The following SH3RF3 variants were observed in gnomAD, a reference collection of about 807,000 sequenced individuals.
SH3RF3 encodes E3 ubiquitin-protein ligase SH3RF3.
In SH3RF3, 29 loss-of-function variants were observed where a neutral mutation model predicts 66.3. The ratio of observed to expected loss-of-function variants is 0.44; its 90% CI spans 0.33 to 0.60. SH3RF3 has a LOEUF of 0.60. Among genes scored for constraint, SH3RF3 ranks in the 20% least tolerant of loss-of-function variants. The probability of loss-of-function intolerance (pLI) is 0.04; values close to 1 mark genes in which losing one functional copy is unlikely to be tolerated. For missense variants in SH3RF3, 1,194 were observed against 1,190.9 expected (o/e 1.00, Z -0.04); for synonymous variants, 583 against 532.0 (o/e 1.10, Z -1.32).
chr2:109,452,142 G>T (rs1301310765), intron 8 of SH3RF3, among the ~76,000 whole-genome samples: 1 of 152,176 alleles, frequency 6.6e-6, no homozygotes, highest in Non-Finnish European at 1.5e-5. Context: ...ATTTACAGCT[G>T]CCATTTGCAG....
At chr2:109,241,172 G>A (rs1448841085) in intron 1 of SH3RF3, among the ~76,000 whole-genome samples, 2 of 152,128 alleles carry the variant, frequency 1.3e-5, no homozygotes, top group Non-Finnish European at 2.9e-5. Flanking sequence ...AGCGAAATAA[G>A]TTTGTACTTA....
At chr2:109,229,712 G>T (rs550562321) in intron 1 of SH3RF3, among the ~76,000 whole-genome samples, 1 of 152,072 alleles carries the variant, frequency 6.6e-6, no homozygotes, top group African/African-American at 2.4e-5. Flanking sequence ...TAGGTACCTC[G>T]TATAACTGGA....
intron 1 of SH3RF3, among the ~76,000 whole-genome samples, chr2:109,143,965 T>C (rs1294820371): frequency 1.3e-5 from 2 of 152,256 alleles, no homozygotes; most frequent in African/African-American, 4.8e-5. Context: ...AGGCAAATAC[T>C]GTGTGATCTC....
At chr2:109,400,853 G>A (rs767644262) in intron 4 of SH3RF3, among the ~76,000 whole-genome samples, 4 of 152,238 alleles carry the variant, frequency 2.6e-5, no homozygotes, top group Non-Finnish European at 4.4e-5. Flanking sequence ...GTGCCTGGGA[G>A]CCATATTCCC....
At chr2:109,321,162 C>G (rs777760771) in intron 1 of SH3RF3, among the ~76,000 whole-genome samples, 17 of 152,244 alleles carry the variant, frequency 1.1e-4, no homozygotes, top group Admixed American at 4.6e-4. Context: ...ATGCACCTCT[C>G]AAACGCTTCT....
intron 1 of SH3RF3, among the ~76,000 whole-genome samples, chr2:109,268,752 A>ATC (rs397872394): frequency 6.6e-6 from 1 of 151,816 alleles, no homozygotes; most frequent in African/African-American, 2.4e-5. Flanking sequence ...TAAAAAAAAA[A>ATC]AGGCTTTGAG....
At chr2:109,419,469 T>G in intron 4 of SH3RF3, 70 bp from the exon 5 acceptor site, 4 of 1,470,858 alleles carry the variant, frequency 2.7e-6, no homozygotes, top group East Asian at 2.5e-5. Context: ...TGCAGCCTCA[T>G]TTTGCTTTTC....
At chr2:109,230,220 A>G (rs761784984) in intron 1 of SH3RF3, among the ~76,000 whole-genome samples, 2 of 151,782 alleles carry the variant, frequency 1.3e-5, no homozygotes, top group African/African-American at 4.8e-5. Context: ...TCAACTTGGG[A>G]TGGTTTGACT....
At chr2:109,259,192 A>G (rs1444237784) in intron 1 of SH3RF3, among the ~76,000 whole-genome samples, 2 of 152,226 alleles carry the variant, frequency 1.3e-5, no homozygotes, top group Non-Finnish European at 2.9e-5. Context: ...GAATCCATAA[A>G]GTGTAGGCTT....
intron 1 of SH3RF3, among the ~76,000 whole-genome samples, chr2:109,298,123 T>C (rs1278873167): frequency 6.6e-6 from 1 of 152,006 alleles, no homozygotes; most frequent in African/African-American, 2.4e-5. Context: ...CAGAGGTGAA[T>C]AGGGCATTGT....
chr2:109,163,548 G>A (rs1388339338), intron 1 of SH3RF3, among the ~76,000 whole-genome samples: 3 of 150,676 alleles, frequency 2.0e-5, no homozygotes, highest in Non-Finnish European at 4.4e-5. Context: ...ACAGGCGCCC[G>A]CCACTACGCC....
chr2:109,360,545 A>G (rs955526510), intron 2 of SH3RF3, among the ~76,000 whole-genome samples: 1 of 152,226 alleles, frequency 6.6e-6, no homozygotes, highest in African/African-American at 2.4e-5. Flanking sequence ...CTCATTATGT[A>G]TATGCAAATA....
intron 2 of SH3RF3, among the ~76,000 whole-genome samples, chr2:109,354,229 G>A (rs180897265): frequency 3.3e-5 from 5 of 152,286 alleles, no homozygotes; most frequent in East Asian, 1.9e-4. Flanking sequence ...CCTGTGTGCC[G>A]CCAACGGATA....
At chr2:109,389,198 G>A (rs1573212626) in intron 3 of SH3RF3, among the ~76,000 whole-genome samples, 1 of 152,216 alleles carries the variant, frequency 6.6e-6, no homozygotes, top group South Asian at 2.1e-4. Flanking sequence ...AGGTGCCTGT[G>A]GGTTTTGAGT....
At chr2:109,189,833 G>A (rs942154609) in intron 1 of SH3RF3, among the ~76,000 whole-genome samples, 7 of 152,146 alleles carry the variant, frequency 4.6e-5, no homozygotes, top group African/African-American at 1.4e-4. Flanking sequence ...TTCTCAAGCC[G>A]ACAGTGGCCA....
chr2:109,250,898 G>A (rs1238591874), intron 1 of SH3RF3, among the ~76,000 whole-genome samples: 1 of 151,936 alleles, frequency 6.6e-6, no homozygotes, highest in Non-Finnish European at 1.5e-5. Flanking sequence ...ATCCAAAAAA[G>A]TGAAACCATT....
At chr2:109,392,440 G>C (rs1006046750) in intron 3 of SH3RF3, among the ~76,000 whole-genome samples, 1 of 152,162 alleles carries the variant, frequency 6.6e-6, no homozygotes, top group African/African-American at 2.4e-5. Context: ...GTGGATATAA[G>C]GGTCTGATGG....
intron 6 of SH3RF3, among the ~76,000 whole-genome samples, chr2:109,434,140 C>A (rs1347093984): frequency 6.6e-6 from 1 of 152,238 alleles, no homozygotes; most frequent in African/African-American, 2.4e-5. Context: ...CAGGAAAGCA[C>A]AGGTCACCCC....
chr2:109,285,440 G>T (rs1299524559), intron 1 of SH3RF3, among the ~76,000 whole-genome samples: 3 of 152,236 alleles, frequency 2.0e-5, no homozygotes, highest in African/African-American at 7.2e-5. Context: ...CCAGTGCAGT[G>T]TGCCTGCTGT....
Sources: gnomAD v4.1 joint callset for allele counts (sites outside exome capture counted in the v4.1 genomes callset) on GRCh38, gnomAD v4.1.1 for gene constraint, MANE v1.5 for transcripts, NCBI Gene and HGNC (gene_info 2026-07-23, HGNC 2026-07-21) for gene names.